CNTLN: variants seen among roughly 807,000 people sequenced by gnomAD.
The protein encoded by CNTLN is centlein, centrosomal protein.
A neutral mutation model predicts 180.0 loss-of-function variants in CNTLN; 212 were observed. That is an observed-to-expected ratio of 1.18 (90% confidence interval 1.05 to 1.32). The LOEUF (loss-of-function observed/expected upper bound fraction) is 1.32. CNTLN is among the 40% of genes most tolerant of loss of function. The pLI is 0.00. For missense variants in CNTLN, 2,095 were observed against 1,610.9 expected (o/e 1.30, Z -5.14); for synonymous variants, 722 against 563.1 (o/e 1.28, Z -3.99).
chr9:17,396,383 A>G (rs1564068577), intron 15 of CNTLN, among the ~76,000 whole-genome samples: 2 of 152,202 alleles, frequency 1.3e-5, no homozygotes, highest in Non-Finnish European at 2.9e-5. Flanking sequence ...GACGAATGAT[A>G]GAACACCTCT....
chr9:17,416,290 T>G (rs1327300404), intron 18 of CNTLN, 101 bp downstream of exon 18: 1 of 994,720 alleles, frequency 1.0e-6, no homozygotes, highest in East Asian at 2.7e-5. Flanking sequence ...TAGGCAGGTC[T>G]ATGAGTTTTA....
At chr9:17,480,609 C>T (rs1832592805) in intron 23 of CNTLN, among the ~76,000 whole-genome samples, 1 of 152,136 alleles carries the variant, frequency 6.6e-6, no homozygotes, top group African/African-American at 2.4e-5. Flanking sequence ...AAACTACTGA[C>T]ATCTTAAGCC....
intron 23 of CNTLN, among the ~76,000 whole-genome samples, 157 bp downstream of exon 23, chr9:17,467,048 A>T (rs1831795096): frequency 6.6e-6 from 1 of 151,560 alleles, no homozygotes. Context: ...TAATTCCTCC[A>T]TAAAGAATTT....
chr9:17,164,971 T>C (rs981310280), intron 2 of CNTLN, among the ~76,000 whole-genome samples: 1 of 151,180 alleles, frequency 6.6e-6, no homozygotes, highest in Non-Finnish European at 1.5e-5. Flanking sequence ...AAGTAGCTGG[T>C]ATTACAGGTG....
chr9:17,269,972 G>A (rs185540166), intron 5 of CNTLN, among the ~76,000 whole-genome samples: 1 of 152,062 alleles, frequency 6.6e-6, no homozygotes, highest in African/African-American at 2.4e-5. Flanking sequence ...TAGTTTTATA[G>A]AAAATCATCT....
At chr9:17,356,197 C>T (rs1178827815) in intron 12 of CNTLN, among the ~76,000 whole-genome samples, 3 of 151,930 alleles carry the variant, frequency 2.0e-5, no homozygotes, top group Non-Finnish European at 4.4e-5. Context: ...TTTTTCTTAT[C>T]AGGATCTGTT....
At chr9:17,398,555 A>G (rs1000372524) in intron 15 of CNTLN, among the ~76,000 whole-genome samples, 1 of 152,212 alleles carries the variant, frequency 6.6e-6, no homozygotes, top group African/African-American at 2.4e-5. Flanking sequence ...AGTCTGTGAC[A>G]TCAGCAAGCT....
chr9:17,201,126 G>A (rs571486927), intron 2 of CNTLN, among the ~76,000 whole-genome samples: 16 of 152,290 alleles, frequency 1.1e-4, no homozygotes, highest in African/African-American at 2.2e-4. Context: ...TTATGTGATG[G>A]ATTACGTTTA....
At chr9:17,304,872 C>A (rs1464674485) in intron 7 of CNTLN, among the ~76,000 whole-genome samples, 1 of 152,002 alleles carries the variant, frequency 6.6e-6, no homozygotes, top group East Asian at 1.9e-4. Context: ...TAAGCAAATA[C>A]TGTGCCATTT....
chr9:17,459,395 T>C (rs1325912478), intron 19 of CNTLN, among the ~76,000 whole-genome samples: 2 of 151,778 alleles, frequency 1.3e-5, no homozygotes, highest in African/African-American at 2.4e-5. Flanking sequence ...TGTGAAGTGA[T>C]TGTCCATAAT....
At chr9:17,281,163 A>T (rs956077407) in intron 6 of CNTLN, among the ~76,000 whole-genome samples, 27 of 152,068 alleles carry the variant, frequency 1.8e-4, no homozygotes, top group Non-Finnish European at 3.7e-4. Context: ...CTAAGTTCTT[A>T]TGTTACTCCT....
At chr9:17,293,356 C>G (rs1817537172) in intron 6 of CNTLN, among the ~76,000 whole-genome samples, 1 of 152,214 alleles carries the variant, frequency 6.6e-6, no homozygotes, top group Non-Finnish European at 1.5e-5. Flanking sequence ...CTGGATTCCT[C>G]AGAGCTGGCA....
At chr9:17,264,844 C>G (rs958180026) in intron 5 of CNTLN, among the ~76,000 whole-genome samples, 1 of 151,576 alleles carries the variant, frequency 6.6e-6, no homozygotes. Context: ...CTCTGTTTGT[C>G]TGTTGTTGGT....
intron 18 of CNTLN, among the ~76,000 whole-genome samples, chr9:17,457,243 G>T (rs1216924874): frequency 1.3e-5 from 2 of 152,086 alleles, no homozygotes. Context: ...GCTCACCCAT[G>T]TATGTGTGAA....
intron 2 of CNTLN, among the ~76,000 whole-genome samples, chr9:17,203,591 C>G (rs1483998842): frequency 6.6e-6 from 1 of 152,128 alleles, no homozygotes; most frequent in South Asian, 2.1e-4. Flanking sequence ...GAGTCTCACT[C>G]TGTCGCCAAG....
chr9:17,415,744 G>A (rs1201097282), intron 16 of CNTLN, 44 bp from the exon 17 acceptor site: 3 of 1,143,646 alleles, frequency 2.6e-6, no homozygotes, highest in Non-Finnish European at 3.9e-6. Flanking sequence ...ACTTGATGTT[G>A]TTATTGAAGA....
intron 15 of CNTLN, among the ~76,000 whole-genome samples, chr9:17,407,761 T>C (rs1827505795): frequency 6.6e-6 from 1 of 152,164 alleles, no homozygotes; most frequent in African/African-American, 2.4e-5. Context: ...GTACCTCTCA[T>C]AGTGTCCCAG....
At chr9:17,205,261 C>G (rs930568857) in intron 2 of CNTLN, among the ~76,000 whole-genome samples, 3 of 152,172 alleles carry the variant, frequency 2.0e-5, no homozygotes, top group Admixed American at 6.5e-5. Context: ...TAAGGGTAAA[C>G]AAGCTTTATC....
At chr9:17,223,422 A>T (rs143617753) in intron 2 of CNTLN, among the ~76,000 whole-genome samples, 1 of 151,894 alleles carries the variant, frequency 6.6e-6, no homozygotes, top group Admixed American at 6.6e-5. Flanking sequence ...GGCATCTCAA[A>T]CTTAGTATGT....
Sources: gnomAD v4.1 joint callset for allele counts (sites outside exome capture counted in the v4.1 genomes callset) on GRCh38, gnomAD v4.1.1 for gene constraint, MANE v1.5 for transcripts, NCBI Gene and HGNC (gene_info 2026-07-23, HGNC 2026-07-21) for gene names.